GAS2L2: variants seen among roughly 807,000 people sequenced by gnomAD.
GAS2L2 encodes the protein growth arrest specific 2 like 2, also known as GAS2-like protein 2.
A neutral mutation model predicts 35.2 loss-of-function variants in GAS2L2; 21 were observed. That is an observed-to-expected ratio of 0.60 (90% CI 0.42 to 0.86). GAS2L2 has a LOEUF of 0.86. Ranked by LOEUF, GAS2L2 falls within the 40% of genes least tolerant of loss-of-function variation. The probability of loss-of-function intolerance (pLI) is 0.00; values close to 1 mark genes in which losing one functional copy is unlikely to be tolerated. For synonymous variants in GAS2L2, 490 were observed against 473.2 expected, an observed-to-expected ratio of 1.04 and a Z score of -0.46; for missense variants, 1,169 against 1,144.4, an observed-to-expected ratio of 1.02 and a Z score of -0.31.
At chr17:35,746,895 A>C (rs2085671679) in intron 5 of GAS2L2, 121 bp downstream of exon 5, 1 of 1,012,928 alleles carries the variant, frequency 9.9e-7, no homozygotes. Flanking sequence ...TGGTTCCAAA[A>C]CCTGTGGTCT....
In GAS2L2 at chr17:35,744,876, G is replaced by A; in HGVS notation, c.2621C>T (p.Pro874Leu). ...GCCTCAGACCCAGGACTCCTCCTCA[G>A]GTGGAAGTGGAGCTTGATTAAGCCA... ...PHWLNQAPLP[P>L]EEESWV is the part of the protein sequence containing the mutation. The change falls in exon 6 of 6, where the codon CCT (proline) becomes CTT (leucine). Residue 874 changes from proline (P) to leucine (L), a missense_variant. Transcript: ENST00000604641. The A allele has an allele frequency of 1.9e-6, 3 of 1,596,046 alleles. No individual in the cohort carries two copies. Among genetic ancestry groups the A allele is most frequent in the Admixed American group, 1.8e-5 (1 of 56,732 alleles).
In GAS2L2 at chr17:35,745,407, C is replaced by A. The variant is rs991674910; in HGVS notation, c.2090G>T (p.Gly697Val). The A allele has an allele frequency of 1.3e-6, 2 of 1,574,144 alleles. No homozygotes were observed. Among genetic ancestry groups the A allele is most frequent in the Non-Finnish European group, 1.7e-6 (2 of 1,159,580 alleles). Residue 697 changes from glycine to valine, a missense_variant, in exon 6 of 6, where the codon GGA becomes GTA. Around this residue, in one of 3 missense-constraint regions of GAS2L2, gnomAD observed 1,035 missense variants for 976.5 expected, o/e 1.06. Coordinates refer to ENST00000604641, the MANE Select transcript of GAS2L2 (RefSeq NM_139285.4). ...PGPGSLKGKL[G>V]ARQSGPRTKA... The stretch of plus-strand genomic sequence containing the variant: ...TGTCCTGGGCCCACTCTGTCTGGCT[C>A]CCAACTTCCCTTTGAGGCTTCCCGG...
intron 3 of GAS2L2, among the ~76,000 whole-genome samples, chr17:35,748,881 TC>T (rs2085685827): frequency 6.6e-6 from 1 of 152,140 alleles, no homozygotes; most frequent in Admixed American, 6.5e-5. Flanking sequence ...GCCAGGAATC[TC>T]CTGGAATTCT....
intron 4 of GAS2L2, 142 bp from the exon 5 acceptor site, chr17:35,747,410 CT>C: frequency 1.0e-6 from 1 of 991,850 alleles, no homozygotes; most frequent in South Asian, 1.8e-5. Context: ...ACCGGAGTTT[CT>C]TTACGGGAGG....
intron 4 of GAS2L2, 123 bp downstream of exon 4, chr17:35,747,726 C>A: frequency 1.3e-6 from 1 of 761,000 alleles, no homozygotes; most frequent in Non-Finnish European, 2.2e-6. Context: ...TCCCCCACAC[C>A]TCCCCACCTA....
rs782612691 is a variant in GAS2L2 at position 35,750,167 on chromosome 17, C to G, written c.537G>C (p.Val179=). Residue 179 remains valine (V), a synonymous_variant, in exon 2 of 6, where the codon GTG becomes GTC. Coordinates refer to ENST00000604641, the MANE Select transcript of GAS2L2 (RefSeq NM_139285.4). ...GCGGGGGCAGGGCCAGCTCCCGCCG[C>G]ACCTCCTCCTCGATCTCCTCCTCCA... ...VQLEEEIEEE[V]RRELALPPPD... is the part of the protein sequence containing the mutation. 9.2e-5 allele frequency: 149 copies of G among 1,611,570 alleles called. No homozygotes were observed. The highest frequency in any genetic ancestry group is 1.2e-4 in the Non-Finnish European group (139 of 1,178,818).
At chr17:35,752,420 C>T (rs1341395281) in intron 1 of GAS2L2, 46 bp downstream of exon 1, 1 of 1,525,424 alleles carries the variant, frequency 6.6e-7, no homozygotes, top group Non-Finnish European at 8.8e-7. Flanking sequence ...ACCAATACCC[C>T]CCAAGATAAG....
Position 35,750,059 on chromosome 17 carries a change from G to A in GAS2L2, c.627+18C>T, listed in dbSNP as rs2085693119. The A allele has an allele frequency of 1.2e-6, 2 of 1,601,406 alleles. No individual in the cohort carries two copies. Among genetic ancestry groups the A allele is most frequent in the African/African-American group, 1.3e-5 (1 of 74,516 alleles). On this transcript the variant is annotated intron_variant, in intron 2 of 5. Transcript: ENST00000604641. ...ACAAAGGGAAGGGGGCCCTGAGGGCGTGTGCAGAGCCCCTCACCATCTGGT... is the reference window on the plus strand; with the variant it reads ...ACAAAGGGAAGGGGGCCCTGAGGGCATGTGCAGAGCCCCTCACCATCTGGT...
At position 35,745,571 on chromosome 17, in the gene GAS2L2, C is replaced by G; in HGVS notation, c.1926G>C (p.Gly642=). The G allele has an allele frequency of 1.2e-6, 2 of 1,613,770 alleles. No individual in the cohort carries two copies. The highest frequency in any genetic ancestry group is 1.7e-6 in the Non-Finnish European group (2 of 1,179,972). Residue 642 remains glycine (G), a synonymous_variant, in exon 6 of 6, where the codon GGG becomes GGC. Coordinates refer to ENST00000604641, the MANE Select transcript of GAS2L2 (RefSeq NM_139285.4). Reference sequence around the variant, plus strand: ...AAGGACCCCCAGGCTCAGGCCACTGCCCAGCCAGCCTGGGGATGTAGACCC... The same window carrying G: ...AAGGACCCCCAGGCTCAGGCCACTGGCCAGCCAGCCTGGGGATGTAGACCC... The part of the protein sequence containing the change: ...RSGVYIPRLA[G]QWPEPGGPYD...
chr17:35,749,892 C>G (rs1555599511), intron 2 of GAS2L2, among the ~76,000 whole-genome samples, 185 bp downstream of exon 2: 1 of 152,110 alleles, frequency 6.6e-6, no homozygotes, highest in East Asian at 1.9e-4. Context: ...CCATTAATTA[C>G]TACGCGTGGT....
rs781955190 is a variant in GAS2L2 at position 35,745,759 on chromosome 17, G to A, written c.1738C>T (p.Leu580=). ...GTGTACCGCCCCTCCTGCTCCTGTA[G>A]GCCCAGGTCCCAGGACTCTCTGGCC... The part of the protein sequence containing the change: ...AEARESWDLG[L]QEQEGRYTPL... Residue 580 remains leucine, a synonymous_variant, in exon 6 of 6, where the codon CTA becomes TTA. Coordinates refer to ENST00000604641, the MANE Select transcript of GAS2L2 (RefSeq NM_139285.4). 2 of 1,613,800 alleles carry A rather than the reference G, an allele frequency of 1.2e-6. No individual in the cohort carries two copies. The highest frequency in any genetic ancestry group is 1.7e-5 in the Admixed American group (1 of 60,026).
Position 35,752,812 on chromosome 17 carries a change from G to C in GAS2L2, c.39C>G (p.Thr13=). The change falls in exon 1 of 6, where the codon ACC becomes ACG. Residue 13 remains threonine (T), a synonymous_variant. Transcript: ENST00000604641. ...QPAGGRRKPR[T]LGPPVCSIRP... ...GGATACTGCACACAGGCGGCCCTAG[G>C]GTCCTGGGCTTCCTCCTGCCTCCCG... 1 of 1,604,446 alleles carries C rather than the reference G, an allele frequency of 6.2e-7. No individual in the cohort carries two copies. Among genetic ancestry groups the C allele is most frequent in the Non-Finnish European group, 8.5e-7 (1 of 1,172,796 alleles).
chr17:35,748,475 C>T (rs2085683166), intron 3 of GAS2L2, among the ~76,000 whole-genome samples: 1 of 152,260 alleles, frequency 6.6e-6, no homozygotes, highest in South Asian at 2.1e-4. Flanking sequence ...CCAGGTTTGG[C>T]CTGTGCCCAA....
In GAS2L2 at chr17:35,752,842, C is replaced by T. The variant is rs2085712759; in HGVS notation, c.9G>A (p.Gln3=). 8 of 1,596,592 alleles carry T rather than the reference C, an allele frequency of 5.0e-6. No individual in the cohort carries two copies. Among genetic ancestry groups the T allele is most frequent in the Non-Finnish European group, 6.8e-6 (8 of 1,168,534 alleles). Residue 3 remains glutamine (Q), a synonymous_variant, in exon 1 of 6, where the codon CAG becomes CAA. Transcript: ENST00000604641. The part of the protein sequence containing the change: MS[Q]PAGGRRKPRT... ...TGGGCTTCCTCCTGCCTCCCGCAGG[C>T]TGGGACATGGCTGGACCCCAGCAGG...
chr17:35,746,648 A>G (rs1233054188), intron 5 of GAS2L2, among the ~76,000 whole-genome samples: 3 of 152,182 alleles, frequency 2.0e-5, no homozygotes, highest in African/African-American at 7.2e-5. Context: ...AGATAGAAGG[A>G]AGCCTGATCC....
In GAS2L2 at chr17:35,745,240, C is replaced by T. The variant is rs2085657189; in HGVS notation, c.2257G>A (p.Ala753Thr). The T allele has an allele frequency of 6.2e-7, 1 of 1,606,444 alleles. No homozygotes were observed. The highest frequency in any genetic ancestry group is 1.3e-5 in the African/African-American group (1 of 74,920). Residue 753 changes from alanine to threonine, a missense_variant, in exon 6 of 6, where the codon GCA (alanine) becomes ACA (threonine). This residue lies in a region of GAS2L2 where 1,035 missense variants were observed against 976.5 expected (regional missense o/e 1.06). Transcript: ENST00000604641. ...PLDPNSDKAK[A>T]CLSKGRRTLR... ...GTTCTCCTGCCCTTGCTCAGACATG[C>T]CTTGGCTTTGTCAGAGTTGGGGTCC...
Position 35,746,992 on chromosome 17 carries a change from C to T in GAS2L2, c.1085+24G>A, listed in dbSNP as rs587720878. On this transcript the variant is annotated intron_variant, in intron 5 of 5. Transcript: ENST00000604641. ...ATGTGCACTCCAAAGGAAAAAGAGCCCCATCCCTGTCTCTTCCCCATACCT... is the reference window on the plus strand; with the variant it reads ...ATGTGCACTCCAAAGGAAAAAGAGCTCCATCCCTGTCTCTTCCCCATACCT... The T allele has an allele frequency of 1.3e-5, 20 of 1,518,836 alleles. No homozygotes were observed. In the South Asian group the frequency reaches 2.6e-4, roughly 20 times the overall value. The allele number at this position is 1,518,836 out of a possible 1,614,324, so 94.1% of individuals were successfully genotyped here. A position where few individuals can be genotyped will look rare whatever the true frequency, so the allele number is the denominator to read the frequency against.
Position 35,745,795 on chromosome 17 carries a change from C to A in GAS2L2, c.1702G>T (p.Val568Phe), listed in dbSNP as rs1167636380. 1.2e-6 allele frequency: 2 copies of A among 1,613,732 alleles called. No individual in the cohort carries two copies. Among genetic ancestry groups the A allele is most frequent in the Admixed American group, 3.3e-5 (2 of 60,006 alleles). ...RQEDQQLDIQ[V>F]MAEARESWDL... Reference sequence around the variant, plus strand: ...CAGGACTCTCTGGCCTCTGCCATGACCTGGATGTCCAGCTGCTGGTCCTCC... The same window carrying A: ...CAGGACTCTCTGGCCTCTGCCATGAACTGGATGTCCAGCTGCTGGTCCTCC... Residue 568 changes from valine to phenylalanine, a missense_variant, in exon 6 of 6, where the codon GTC (valine) becomes TTC (phenylalanine). Around this residue, in one of 3 missense-constraint regions of GAS2L2, gnomAD observed 1,035 missense variants for 976.5 expected, o/e 1.06. Transcript: ENST00000604641.
chr17:35,747,295 G>A (rs2085675274), intron 4 of GAS2L2, 27 bp from the exon 5 acceptor site: 4 of 1,584,046 alleles, frequency 2.5e-6, no homozygotes, highest in Admixed American at 1.7e-5. Context: ...GGAGAAAGGA[G>A]AGGAGAGAAG....
Sources: gnomAD v4.1 joint callset for allele counts (sites outside exome capture counted in the v4.1 genomes callset) on GRCh38, gnomAD v4.1.1 for gene constraint, gnomAD v4.1.1 regional missense constraint, MANE v1.5 for transcripts, NCBI Gene and HGNC (gene_info 2026-07-23, HGNC 2026-07-21) for gene names.